NCKAP5: variants seen among roughly 807,000 people sequenced by gnomAD.
NCKAP5 encodes NCK associated protein 5, also known as nck-associated protein 5.
NCKAP5 carries 92 observed loss-of-function variants against 167.0 expected under a neutral mutation model. The ratio of observed to expected loss-of-function variants is 0.55; its 90% CI spans 0.47 to 0.66. NCKAP5 has a LOEUF of 0.66. Among genes scored for constraint, NCKAP5 ranks in the 30% least tolerant of loss-of-function variants. The pLI is 0.00. For missense variants in NCKAP5, 2,378 were observed against 2,315.0 expected, an observed-to-expected ratio of 1.03 and a Z score of -0.56; for synonymous variants, 891 against 877.4, an observed-to-expected ratio of 1.02 and a Z score of -0.27.
chr2:132,908,864 A>C (rs1694209293), intron 8 of NCKAP5, among the ~76,000 whole-genome samples: 1 of 152,218 alleles, frequency 6.6e-6, no homozygotes, highest in South Asian at 2.1e-4. Context: ...TAATTCTGAA[A>C]TATCGTAGTC....
chr2:133,101,665 A>C (rs1442482330), intron 6 of NCKAP5, among the ~76,000 whole-genome samples: 2 of 152,268 alleles, frequency 1.3e-5, no homozygotes, highest in Non-Finnish European at 2.9e-5. Context: ...ATTTACAAAC[A>C]TAAAATCATT....
chr2:133,593,124 C>A, the NCKAP5 span, among the ~76,000 whole-genome samples: 4 of 152,276 alleles, frequency 2.6e-5, no homozygotes, highest in East Asian at 1.9e-4. Context: ...AATAGATTAT[C>A]TCCTAACAAA....
chr2:133,312,342 G>T (rs1185243345), intron 3 of NCKAP5, among the ~76,000 whole-genome samples: 1 of 152,098 alleles, frequency 6.6e-6, no homozygotes, highest in Non-Finnish European at 1.5e-5. Flanking sequence ...CAATTTGTTG[G>T]ATACTGCTTA....
chr2:133,065,266 A>G (rs1283502920), intron 6 of NCKAP5, among the ~76,000 whole-genome samples: 4 of 152,218 alleles, frequency 2.6e-5, no homozygotes, highest in Admixed American at 2.6e-4. Flanking sequence ...AAGCACACAC[A>G]CAAAAATTAA....
intron 4 of NCKAP5, among the ~76,000 whole-genome samples, chr2:133,276,562 G>GA (rs138741070): frequency 2.2e-4 from 33 of 147,416 alleles, no homozygotes; most frequent in Admixed American, 4.8e-4. Context: ...AACTCTTCTA[G>GA]AAAAAAAAAA....
At chr2:133,574,087 A>G in the NCKAP5 span, among the ~76,000 whole-genome samples, 2 of 152,140 alleles carry the variant, frequency 1.3e-5, no homozygotes, top group African/African-American at 4.8e-5. Context: ...CTGGGAGGCC[A>G]TTAAAATCAG....
chr2:132,710,883 T>TA (rs562491572), intron 19 of NCKAP5, among the ~76,000 whole-genome samples: 7,739 of 152,258 alleles, frequency 0.051, 245 homozygotes, highest in Non-Finnish European at 0.077. Context: ...ACAATTTTTT[T>TA]AAAAAAAAGA....
chr2:132,911,932 C>T (rs1350074265), intron 8 of NCKAP5, among the ~76,000 whole-genome samples: 1 of 152,342 alleles, frequency 6.6e-6, no homozygotes, highest in Non-Finnish European at 1.5e-5. Flanking sequence ...GTCGCTGCTT[C>T]TTGCTGGTGG....
intron 5 of NCKAP5, among the ~76,000 whole-genome samples, chr2:133,161,640 C>CTGCAACCCTTAGGTGGTCATGCT: frequency 6.6e-6 from 1 of 152,262 alleles, no homozygotes; most frequent in East Asian, 1.9e-4. Context: ...ATACTTAGCC[C>CTGCAACCCTTAGGTGGTCATGCT]TGCAACCCTT....
At position 133,538,910 on chromosome 2, in the gene NCKAP5, T is replaced by G. The variant is rs200264813; in HGVS notation, c.-62+20140A>C. Reference sequence around the variant, plus strand: ...GAGATGTACCTAGTTTTTTTTTGGTTTTTTTTTGTGGTTTTTTTGGGTTTT... The same window carrying G: ...GAGATGTACCTAGTTTTTTTTTGGTGTTTTTTTGTGGTTTTTTTGGGTTTT... On this transcript the variant is annotated intron_variant, in intron 2 of 19. Coordinates refer to ENST00000409261, the MANE Select transcript of NCKAP5 (RefSeq NM_207363.3). 2.2e-3 allele frequency among the ~76,000 whole-genome samples: 323 copies of G among 147,732 alleles called. 3 individuals carry two copies. Among genetic ancestry groups the G allele is most frequent in the Non-Finnish European group, 3.1e-3 (211 of 67,094 alleles).
intron 11 of NCKAP5, among the ~76,000 whole-genome samples, chr2:132,856,725 G>A (rs780869310): frequency 6.6e-6 from 1 of 152,158 alleles, no homozygotes; most frequent in Non-Finnish European, 1.5e-5. Flanking sequence ...TGTAAAGATG[G>A]TAGGCTCCTT....
At position 132,782,750 on chromosome 2, in the gene NCKAP5, C is replaced by G; in HGVS notation, c.4061G>C (p.Ser1354Thr). 6.2e-7 allele frequency: 1 copy of G among 1,613,984 alleles called. No homozygotes were observed. The highest frequency in any genetic ancestry group is 8.5e-7 in the Non-Finnish European group (1 of 1,179,880). The change falls in exon 14 of 20, where the codon AGC becomes ACC. Residue 1354 changes from serine to threonine, a missense_variant. Ser to Thr is a moderately conservative substitution (Grantham distance 58). Transcript: ENST00000409261. Reference protein sequence around the residue: ...HPSSGKGSLGSSGSFSSQHGS... With the variant: ...HPSSGKGSLGTSGSFSSQHGS... ...ATGCTGACTGCTGAAGCTGCCTGAGCTCCCCAGGGAGCCCTTCCCGGAGGA... is the reference window on the plus strand; with the variant it reads ...ATGCTGACTGCTGAAGCTGCCTGAGGTCCCCAGGGAGCCCTTCCCGGAGGA...
intron 5 of NCKAP5, among the ~76,000 whole-genome samples, chr2:133,137,267 T>C (rs74746382): frequency 0.011 from 1,652 of 152,226 alleles, 34 homozygotes; most frequent in African/African-American, 0.038. Context: ...ACCCGTACTC[T>C]TGGCTGTAAC....
At chr2:133,152,511 A>T (rs2083417883) in intron 5 of NCKAP5, among the ~76,000 whole-genome samples, 1 of 152,222 alleles carries the variant, frequency 6.6e-6, no homozygotes, top group Non-Finnish European at 1.5e-5. Context: ...CCCAACTGCA[A>T]ATTTATGAAT....
chr2:133,487,453 G>C (rs1280888278), intron 3 of NCKAP5, among the ~76,000 whole-genome samples: 1 of 152,138 alleles, frequency 6.6e-6, no homozygotes, highest in East Asian at 1.9e-4. Context: ...GTGTTTTCTA[G>C]AGCATACCCC....
intron 6 of NCKAP5, among the ~76,000 whole-genome samples, chr2:133,065,104 T>C (rs2080144969): frequency 6.6e-6 from 1 of 152,132 alleles, no homozygotes; most frequent in Non-Finnish European, 1.5e-5. Flanking sequence ...AGTAGAATAA[T>C]CTCCTCTCCT....
intron 6 of NCKAP5, among the ~76,000 whole-genome samples, chr2:133,024,128 G>A (rs1174074059): frequency 6.6e-6 from 1 of 152,138 alleles, no homozygotes; most frequent in African/African-American, 2.4e-5. Context: ...GTACTTCACA[G>A]TTCTTCAATG....
rs186490312 is a variant in NCKAP5 at position 132,837,192 on chromosome 2, C to T, written c.807+23300G>A. 6.0e-4 allele frequency among the ~76,000 whole-genome samples: 91 copies of T among 152,322 alleles called. No homozygotes were observed. The Middle Eastern group carries it at 0.01, about 17-fold the overall frequency. On this transcript the variant is annotated intron_variant, in intron 11 of 19. Transcript: ENST00000409261. ...AGCTGTCCCCACCCTTGGGTAGCTT[C>T]TCTTTCCCCCATGTGTTCTAAAGCT...
intron 11 of NCKAP5, among the ~76,000 whole-genome samples, chr2:132,839,566 GCCTGGGC>G (rs1688142472): frequency 7.7e-6 from 1 of 129,958 alleles, no homozygotes; most frequent in African/African-American, 3.7e-5. Context: ...TTCAAGACCA[GCCTGGGC>G]AACATGGTGA....
Sources: allele counts gnomAD v4.1 joint callset (sites outside exome capture counted in the v4.1 genomes callset), GRCh38; gene constraint gnomAD v4.1.1; transcripts MANE v1.5; gene names NCBI Gene and HGNC (gene_info 2026-07-23, HGNC 2026-07-21).